YARS1: variants seen among roughly 807,000 people sequenced by gnomAD.
The protein encoded by YARS1 is tyrosyl-tRNA synthetase 1.
In YARS1, 36 loss-of-function variants were observed where a neutral mutation model predicts 62.2. The ratio of observed to expected loss-of-function variants is 0.58; its 90% confidence interval spans 0.44 to 0.76. YARS1 has a LOEUF of 0.76. YARS1 is among the 30% of genes least tolerant of loss of function. YARS1 has a pLI of 0.00. For missense variants in YARS1, 524 were observed against 639.8 expected, an observed-to-expected ratio of 0.82 and a Z score of 1.95; for synonymous variants, 234 against 244.9, an observed-to-expected ratio of 0.96 and a Z score of 0.42.
chr1:32,799,701 T>C (rs112044368), intron 4 of YARS1, among the ~76,000 whole-genome samples: 138 of 152,338 alleles, frequency 9.1e-4, no homozygotes, highest in African/African-American at 3.2e-3. Flanking sequence ...ACTTGATATA[T>C]AGCCAATGTG....
chr1:32,784,217 G>A (rs1653149965), intron 8 of YARS1, among the ~76,000 whole-genome samples: 1 of 143,800 alleles, frequency 7.0e-6, no homozygotes, highest in African/African-American at 2.6e-5. Flanking sequence ...GTCTCACTAT[G>A]TTGCCTAGGC....
At chr1:32,795,905 T>C (rs61798849) in intron 5 of YARS1, among the ~76,000 whole-genome samples, 20,851 of 151,702 alleles carry the variant, frequency 0.14, 1,776 homozygotes, top group South Asian at 0.23. Context: ...GTAAAAACCA[T>C]TCTTAGCTCA....
In YARS1 at chr1:32,811,077, GTTAGT is replaced by G; in HGVS notation, c.58-25_58-21del. The G allele has an allele frequency of 1.2e-6, 2 of 1,613,904 alleles. No homozygotes were observed. The highest frequency in any genetic ancestry group is 1.1e-5 in the South Asian group (1 of 91,076). The stretch of plus-strand genomic sequence containing the variant: ...AACCTCCTATTGTGGAAGCAGAAGA[GTTAGT>G]TTAATGTCAGTGCCTCACCTTGCTC... On this transcript the variant is annotated intron_variant, in intron 1 of 12. Transcript: ENST00000373477.
intron 7 of YARS1, 75 bp from the exon 8 acceptor site, chr1:32,786,522 C>T: frequency 7.0e-6 from 7 of 1,006,294 alleles, no homozygotes; most frequent in Non-Finnish European, 8.8e-6. Context: ...ATTCCTAGCC[C>T]ACATGCATGA....
intron 11 of YARS1, 167 bp from the exon 12 acceptor site, chr1:32,779,690 C>T (rs962774910): frequency 5.9e-6 from 5 of 851,182 alleles, no homozygotes; most frequent in Non-Finnish European, 7.4e-6. Flanking sequence ...CTGCATATCA[C>T]CAGGGTTACA....
intron 6 of YARS1, among the ~76,000 whole-genome samples, chr1:32,789,612 G>A (rs1474884852): frequency 2.0e-5 from 3 of 149,130 alleles, no homozygotes; most frequent in East Asian, 2.0e-4. Flanking sequence ...TTTTTAAGAC[G>A]GAGTCTCACT....
chr1:32,781,978 T>TC, intron 9 of YARS1: 1 of 206,194 alleles, frequency 4.8e-6, no homozygotes, highest in Admixed American at 5.4e-5. Flanking sequence ...TATGCCTGGC[T>TC]AATTTTTTTT....
chr1:32,803,590 C>G (rs785419), intron 4 of YARS1, among the ~76,000 whole-genome samples: 8 of 152,172 alleles, frequency 5.3e-5, no homozygotes, highest in Non-Finnish European at 1.2e-4. Flanking sequence ...TACGAAAGTC[C>G]GAGATGGCAT....
chr1:32,786,292 G>T, intron 8 of YARS1, 70 bp downstream of exon 8: 1 of 1,485,594 alleles, frequency 6.7e-7, no homozygotes. Flanking sequence ...TTCTAAACAA[G>T]TTCTAACAGT....
chr1:32,789,487 T>C (rs1197131481), intron 6 of YARS1, among the ~76,000 whole-genome samples: 3 of 152,174 alleles, frequency 2.0e-5, no homozygotes, highest in Non-Finnish European at 2.9e-5. Context: ...TTGAGTTCAG[T>C]GGTTACCAAA....
Position 32,786,138 on chromosome 1 carries a change from T to C in YARS1, c.906+224A>G, listed in dbSNP as rs785415. Among the ~76,000 whole-genome samples the C allele has an allele frequency of 0.99, 150,310 of 152,226 alleles. 74,238 individuals carry two copies. Among genetic ancestry groups the C allele is most frequent in the East Asian group, 1 (5,184 of 5,184 alleles). ...GCCCCGAGGGATAGAAATCCATCTG[T>C]ATTAACAAAATTCCTAAGTCAGAAA... is the stretch of plus-strand genomic sequence containing the variant. On this transcript the variant is annotated intron_variant, in intron 8 of 12. Transcript: ENST00000373477.
At chr1:32,789,461 G>C (rs1235431070) in intron 6 of YARS1, among the ~76,000 whole-genome samples, 1 of 152,192 alleles carries the variant, frequency 6.6e-6, no homozygotes, top group East Asian at 1.9e-4. Flanking sequence ...TTTGGAAAGA[G>C]TGAGTTCATG....
intron 7 of YARS1, 75 bp from the exon 8 acceptor site, chr1:32,786,522 C>A: frequency 9.9e-7 from 1 of 1,006,296 alleles, no homozygotes; most frequent in East Asian, 2.9e-5. Flanking sequence ...ATTCCTAGCC[C>A]ACATGCATGA....
At chr1:32,802,406 C>T (rs867268659) in intron 4 of YARS1, among the ~76,000 whole-genome samples, 2 of 152,234 alleles carry the variant, frequency 1.3e-5, no homozygotes, top group South Asian at 2.1e-4. Context: ...CTTAATAACA[C>T]CGAGAATGCT....
At chr1:32,811,087 T>C (rs762144947) in intron 1 of YARS1, 30 bp from the exon 2 acceptor site, 2 of 1,613,544 alleles carry the variant, frequency 1.2e-6, no homozygotes, top group South Asian at 2.2e-5. Flanking sequence ...GTTAGTTTAA[T>C]GTCAGTGCCT....
At chr1:32,816,828 G>A (rs748835885) in intron 1 of YARS1, 15 of 418,480 alleles carry the variant, frequency 3.6e-5, no homozygotes, top group Non-Finnish European at 6.2e-5. Context: ...ACCGTAATGG[G>A]TCATTTTTAA....
At chr1:32,806,009 A>G (rs559044084) in intron 4 of YARS1, among the ~76,000 whole-genome samples, 138 of 152,256 alleles carry the variant, frequency 9.1e-4, no homozygotes, top group African/African-American at 3.1e-3. Flanking sequence ...TCTCCCTTTC[A>G]ACACTTAGAG....
At chr1:32,778,906 T>C (rs1307244473) in intron 12 of YARS1, among the ~76,000 whole-genome samples, 2 of 151,642 alleles carry the variant, frequency 1.3e-5, no homozygotes, top group East Asian at 3.9e-4. Context: ...GCCTGGCTAA[T>C]TTTTTGTATT....
In YARS1 at chr1:32,782,402, A is replaced by C; in HGVS notation, c.1042+2T>G. ...TGTCGGCCCCTCTCCAGCTGGCCTTACTCTGCTTTGAGGGATCTGGGTAGG... is the reference window on the plus strand; with the variant it reads ...TGTCGGCCCCTCTCCAGCTGGCCTTCCTCTGCTTTGAGGGATCTGGGTAGG... On this transcript the variant is annotated splice_donor_variant, in intron 9 of 12. Transcript: ENST00000373477. LOFTEE classifies it high-confidence loss of function. 2 of 1,613,716 alleles carry C rather than the reference A, an allele frequency of 1.2e-6. No individual in the cohort carries two copies. The highest frequency in any genetic ancestry group is 8.5e-7 in the Non-Finnish European group (1 of 1,179,830).
Sources: allele counts gnomAD v4.1 joint callset (sites outside exome capture counted in the v4.1 genomes callset), GRCh38; gene constraint gnomAD v4.1.1; transcripts MANE v1.5; gene names NCBI Gene and HGNC (gene_info 2026-07-23, HGNC 2026-07-21).